NKAIN2: variants seen among roughly 807,000 people sequenced by gnomAD.
The protein encoded by NKAIN2 is sodium/potassium-transporting ATPase subunit beta-1-interacting protein 2.
Under a neutral mutation model 32.6 loss-of-function variants are expected in NKAIN2, and 14 were observed. The observed-to-expected ratio is 0.43, with a 90% CI of 0.28 to 0.67. NKAIN2 has a LOEUF of 0.67. NKAIN2 is among the 30% of genes least tolerant of loss of function. The pLI, the probability that NKAIN2 is intolerant of heterozygous loss-of-function variation, is 0.17. For synonymous variants in NKAIN2, 80 were observed against 87.2 expected (o/e 0.92, Z 0.46); for missense variants, 198 against 258.3 (o/e 0.77, Z 1.60).
chr6:123,831,059 T>A (rs1254261609), intron 1 of NKAIN2, among the ~76,000 whole-genome samples: 2 of 152,236 alleles, frequency 1.3e-5, no homozygotes. Flanking sequence ...GGTCAGAGCA[T>A]GAAGACTAAA....
chr6:123,999,073 C>T (rs1779767732), intron 1 of NKAIN2, among the ~76,000 whole-genome samples: 1 of 151,022 alleles, frequency 6.6e-6, no homozygotes, highest in South Asian at 2.2e-4. Context: ...AGTCTTGGTG[C>T]TATTTACATG....
intron 1 of NKAIN2, among the ~76,000 whole-genome samples, chr6:124,161,629 G>T (rs1382689084): frequency 6.6e-6 from 1 of 152,078 alleles, no homozygotes; most frequent in Admixed American, 6.6e-5. Flanking sequence ...GCTGAAAAAT[G>T]AGCATGCATA....
intron 1 of NKAIN2, among the ~76,000 whole-genome samples, chr6:123,867,786 T>TA (rs1224667649): frequency 6.6e-6 from 1 of 152,150 alleles, no homozygotes; most frequent in Non-Finnish European, 1.5e-5. Context: ...CCTTCCCCTT[T>TA]ACTCAGATTG....
At chr6:124,688,729 T>C (rs932597494) in intron 4 of NKAIN2, among the ~76,000 whole-genome samples, 10 of 152,160 alleles carry the variant, frequency 6.6e-5, no homozygotes, top group African/African-American at 2.4e-4. Context: ...TGAAGTTATA[T>C]GTTGTCTTTT....
At chr6:123,884,630 C>G (rs1359399269) in intron 1 of NKAIN2, among the ~76,000 whole-genome samples, 1 of 152,024 alleles carries the variant, frequency 6.6e-6, no homozygotes, top group Non-Finnish European at 1.5e-5. Flanking sequence ...GTTATGATTT[C>G]TACATTTTTG....
chr6:124,294,374 C>T (rs1205526271), intron 2 of NKAIN2, among the ~76,000 whole-genome samples: 2 of 152,066 alleles, frequency 1.3e-5, no homozygotes, highest in Non-Finnish European at 2.9e-5. Flanking sequence ...CCCAACCTAC[C>T]AATATCCATT....
intron 2 of NKAIN2, among the ~76,000 whole-genome samples, chr6:124,345,987 C>A (rs1199189055): frequency 3.3e-5 from 5 of 151,920 alleles, no homozygotes; most frequent in Non-Finnish European, 7.4e-5. Context: ...ATAAATTTCC[C>A]TCTACACACT....
chr6:124,257,788 T>C (rs1582939018), intron 1 of NKAIN2, among the ~76,000 whole-genome samples: 1 of 150,474 alleles, frequency 6.6e-6, no homozygotes, highest in Non-Finnish European at 1.5e-5. Flanking sequence ...TTCTTTTTTT[T>C]TTTTTTTGAG....
chr6:124,396,998 CT>C (rs1040167194), intron 3 of NKAIN2, among the ~76,000 whole-genome samples: 2 of 151,980 alleles, frequency 1.3e-5, no homozygotes, highest in African/African-American at 2.4e-5. Flanking sequence ...AATGATTTTA[CT>C]TTTTTATCTG....
At chr6:124,274,132 G>A (rs1272979767) in intron 1 of NKAIN2, among the ~76,000 whole-genome samples, 1 of 152,142 alleles carries the variant, frequency 6.6e-6, no homozygotes, top group African/African-American at 2.4e-5. Context: ...TACAACTCCA[G>A]ATAAATGTCA....
chr6:123,954,472 G>C (rs991487147), intron 1 of NKAIN2, among the ~76,000 whole-genome samples: 1 of 152,150 alleles, frequency 6.6e-6, no homozygotes, highest in Non-Finnish European at 1.5e-5. Context: ...GACTGAAGAG[G>C]CTGCTTCACT....
intron 1 of NKAIN2, among the ~76,000 whole-genome samples, chr6:123,854,358 G>A (rs1775476469): frequency 6.6e-6 from 1 of 152,034 alleles, no homozygotes; most frequent in African/African-American, 2.4e-5. Flanking sequence ...GCCTTTGGTA[G>A]CTTATACAAT....
At chr6:124,046,135 C>A (rs1159294797) in intron 1 of NKAIN2, among the ~76,000 whole-genome samples, 2 of 151,752 alleles carry the variant, frequency 1.3e-5, no homozygotes, top group Non-Finnish European at 2.9e-5. Context: ...ATGAAATTGG[C>A]CATTGTGGGT....
At chr6:124,339,448 G>A (rs1188777075) in intron 2 of NKAIN2, among the ~76,000 whole-genome samples, 1 of 152,196 alleles carries the variant, frequency 6.6e-6, no homozygotes, top group Non-Finnish European at 1.5e-5. Context: ...AGACTTCAGA[G>A]TCTCTGGGGG....
chr6:124,736,961 A>C (rs1015347810), intron 4 of NKAIN2, among the ~76,000 whole-genome samples: 1 of 152,006 alleles, frequency 6.6e-6, no homozygotes, highest in Non-Finnish European at 1.5e-5. Context: ...AATAATTTAT[A>C]TGAAGGAGTT....
chr6:124,776,039 G>A (rs1047477759), intron 4 of NKAIN2, among the ~76,000 whole-genome samples: 6 of 152,104 alleles, frequency 3.9e-5, no homozygotes, highest in African/African-American at 1.4e-4. Context: ...TTTCCCTGAG[G>A]CTGGCAGCTC....
At chr6:124,518,717 A>G (rs1363926121) in intron 3 of NKAIN2, among the ~76,000 whole-genome samples, 3 of 152,206 alleles carry the variant, frequency 2.0e-5, no homozygotes, top group Non-Finnish European at 4.4e-5. Flanking sequence ...TCCAAACTCT[A>G]TCAACAAGTT....
chr6:124,566,815 C>G (rs1009916216), intron 3 of NKAIN2, among the ~76,000 whole-genome samples: 1 of 151,886 alleles, frequency 6.6e-6, no homozygotes, highest in Non-Finnish European at 1.5e-5. Flanking sequence ...CACACACACA[C>G]AAAGATCTTC....
At chr6:123,812,339 A>G (rs9490939) in intron 1 of NKAIN2, among the ~76,000 whole-genome samples, 22,435 of 152,192 alleles carry the variant, frequency 0.15, 4,900 homozygotes, top group African/African-American at 0.48. Flanking sequence ...CAGAAACTCA[A>G]CTGATTAAGC....
Sources: allele counts gnomAD v4.1 joint callset (sites outside exome capture counted in the v4.1 genomes callset), GRCh38; gene constraint gnomAD v4.1.1; transcripts MANE v1.5; gene names NCBI Gene and HGNC (gene_info 2026-07-23, HGNC 2026-07-21).